The following MUC7 variants were observed in gnomAD, a reference collection of about 807,000 sequenced individuals.
MUC7 encodes mucin 7, secreted.
MUC7 carries 2 observed loss-of-function variants against 2.5 expected under a neutral mutation model. The observed-to-expected ratio is 0.81, with a 90% CI of 0.33 to 2.55. The LOEUF (loss-of-function observed/expected upper bound fraction) is 2.55, where lower values mean the gene tolerates loss of function less well. Ranked by LOEUF, MUC7 falls within the 30% of genes most tolerant of loss-of-function variation. The pLI is 0.11. For synonymous variants in MUC7, 133 were observed against 173.4 expected (o/e 0.77, Z 1.83); for missense variants, 408 against 455.6 (o/e 0.90, Z 0.95).
At chr4:70,436,996 C>G (rs972639533) in intron 1 of MUC7, among the ~76,000 whole-genome samples, 1 of 152,156 alleles carries the variant, frequency 6.6e-6, no homozygotes, top group Non-Finnish European at 1.5e-5. Flanking sequence ...GAGGTCTACT[C>G]CAGACCCTGT....
intron 1 of MUC7, among the ~76,000 whole-genome samples, chr4:70,436,425 G>T (rs1334943427): frequency 4.6e-5 from 7 of 151,616 alleles, no homozygotes; most frequent in Non-Finnish European, 1.0e-4. Context: ...CTCTAGTCTT[G>T]TCTTCTCACT....
intron 1 of MUC7, among the ~76,000 whole-genome samples, chr4:70,465,300 G>A (rs1358591498): frequency 6.6e-6 from 1 of 152,172 alleles, no homozygotes; most frequent in Admixed American, 6.5e-5. Context: ...AGGAAAACCA[G>A]CACAAAAAGG....
At chr4:70,467,079 C>G (rs964729516) in intron 1 of MUC7, among the ~76,000 whole-genome samples, 1 of 152,152 alleles carries the variant, frequency 6.6e-6, no homozygotes, top group African/African-American at 2.4e-5. Context: ...ACAGTGCAAT[C>G]AAATTAGAAC....
chr4:70,473,882 T>C, intron 1 of MUC7, 125 bp from the exon 2 acceptor site: 1 of 656,428 alleles, frequency 1.5e-6, no homozygotes. Flanking sequence ...AATGTATACA[T>C]AATTTTCAGA....
intron 1 of MUC7, among the ~76,000 whole-genome samples, chr4:70,441,226 T>C (rs941778636): frequency 3.3e-5 from 5 of 152,126 alleles, no homozygotes; most frequent in Non-Finnish European, 5.9e-5. Context: ...TGTCTATAAA[T>C]GTAGTCAACA....
At chr4:70,450,416 G>A (rs1236667765) in intron 1 of MUC7, among the ~76,000 whole-genome samples, 1 of 152,210 alleles carries the variant, frequency 6.6e-6, no homozygotes, top group Non-Finnish European at 1.5e-5. Flanking sequence ...GGGATGCCTA[G>A]GGCCCACTTG....
chr4:70,465,491 A>G (rs1314716130), intron 1 of MUC7, among the ~76,000 whole-genome samples: 2 of 152,216 alleles, frequency 1.3e-5, no homozygotes, highest in African/African-American at 4.8e-5. Context: ...AAGGAAGCTA[A>G]GAACCTTGAA....
intron 1 of MUC7, among the ~76,000 whole-genome samples, chr4:70,466,039 C>G (rs1475899499): frequency 6.6e-6 from 1 of 152,204 alleles, no homozygotes; most frequent in Non-Finnish European, 1.5e-5. Context: ...ATCAAACTAA[C>G]ATAAGACTAG....
intron 1 of MUC7, among the ~76,000 whole-genome samples, chr4:70,455,388 T>C (rs112316911): frequency 2.0e-5 from 3 of 152,200 alleles, no homozygotes; most frequent in African/African-American, 7.2e-5. Flanking sequence ...TTATATGCCA[T>C]ATATCAAGCT....
At chr4:70,469,256 T>C (rs1432182678), upstream of MUC7, among the ~76,000 whole-genome samples, 2 of 151,978 alleles carry the variant, frequency 1.3e-5, 1 homozygote, top group African/African-American at 4.8e-5. Context: ...AAAAATTAAC[T>C]CAAGATGGAT....
At chr4:70,458,806 T>G (rs945884256) in intron 1 of MUC7, among the ~76,000 whole-genome samples, 1 of 151,668 alleles carries the variant, frequency 6.6e-6, no homozygotes, top group Non-Finnish European at 1.5e-5. Context: ...GCTAGAAACA[T>G]GATTATAAGA....
intron 1 of MUC7, among the ~76,000 whole-genome samples, chr4:70,442,000 C>T (rs576696088): frequency 1.3e-4 from 20 of 152,214 alleles, no homozygotes; most frequent in African/African-American, 4.6e-4. Context: ...TGTGGAACAG[C>T]GAAAGGACCT....
At chr4:70,457,919 A>G (rs139050180) in intron 1 of MUC7, among the ~76,000 whole-genome samples, 3 of 152,244 alleles carry the variant, frequency 2.0e-5, no homozygotes, top group Non-Finnish European at 4.4e-5. Flanking sequence ...TCCAAGTTAA[A>G]GCATTTTAAT....
chr4:70,477,441 T>A (rs1735036376), intron 2 of MUC7, among the ~76,000 whole-genome samples: 1 of 152,054 alleles, frequency 6.6e-6, no homozygotes. Context: ...AATCTTGGCC[T>A]TTCTGTCTTC....
chr4:70,465,282 C>T (rs62322554), intron 1 of MUC7, among the ~76,000 whole-genome samples: 20,890 of 152,158 alleles, frequency 0.14, 1,705 homozygotes, highest in Middle Eastern at 0.24. Context: ...GATAAATCCA[C>T]GAAGATGAGG....
chr4:70,435,278 C>T (rs1053833736), intron 1 of MUC7, among the ~76,000 whole-genome samples: 13 of 151,814 alleles, frequency 8.6e-5, no homozygotes, highest in Non-Finnish European at 1.6e-4. Context: ...TTTACTGTCT[C>T]GTTGATCTAA....
At chr4:70,465,880 T>C (rs1734671803) in intron 1 of MUC7, among the ~76,000 whole-genome samples, 1 of 152,024 alleles carries the variant, frequency 6.6e-6, no homozygotes, top group Non-Finnish European at 1.5e-5. Flanking sequence ...AACATTCAAA[T>C]TCAGGAAATA....
chr4:70,446,492 G>A (rs1734142195), intron 1 of MUC7, among the ~76,000 whole-genome samples: 1 of 152,128 alleles, frequency 6.6e-6, no homozygotes, highest in Admixed American at 6.5e-5. Flanking sequence ...CTCTGCCTCT[G>A]TCTTCAAATG....
At chr4:70,461,673 C>T (rs930542016) in intron 1 of MUC7, among the ~76,000 whole-genome samples, 2 of 152,112 alleles carry the variant, frequency 1.3e-5, no homozygotes, top group Admixed American at 1.3e-4. Context: ...ATAATTATCA[C>T]TTCTCTCAAT....
Sources: allele counts gnomAD v4.1 joint callset (sites outside exome capture counted in the v4.1 genomes callset), GRCh38; gene constraint gnomAD v4.1.1; transcripts MANE v1.5; gene names NCBI Gene and HGNC (gene_info 2026-07-23, HGNC 2026-07-21).